Variants in HS2ST1 observed in about 807,000 individuals in gnomAD.
HS2ST1 encodes 2-O-sulfotransferase.
A neutral mutation model predicts 42.9 loss-of-function variants in HS2ST1; 18 were observed. The ratio of observed to expected loss-of-function variants is 0.42; its 90% CI spans 0.29 to 0.62. The LOEUF (loss-of-function observed/expected upper bound fraction) is 0.62. Ranked by LOEUF, HS2ST1 falls within the 20% of genes least tolerant of loss-of-function variation. HS2ST1 has a pLI of 0.21. For missense variants in HS2ST1, 334 were observed against 433.8 expected, an observed-to-expected ratio of 0.77 and a Z score of 2.04; for synonymous variants, 146 against 152.9, an observed-to-expected ratio of 0.95 and a Z score of 0.33.
intron 1 of HS2ST1, among the ~76,000 whole-genome samples, chr1:86,921,589 G>A (rs955600885): frequency 1.3e-5 from 2 of 152,146 alleles, no homozygotes; most frequent in East Asian, 3.9e-4. Flanking sequence ...AGAGCTTGTG[G>A]CAGTGTGTTC....
intron 2 of HS2ST1, among the ~76,000 whole-genome samples, chr1:87,075,415 C>A (rs553820217): frequency 5.3e-4 from 80 of 152,206 alleles, no homozygotes; most frequent in African/African-American, 1.9e-3. Context: ...GATCCGCCCA[C>A]CTAGGCCTCC....
At chr1:86,982,760 C>G (rs1356153938) in intron 1 of HS2ST1, among the ~76,000 whole-genome samples, 5 of 152,272 alleles carry the variant, frequency 3.3e-5, no homozygotes, top group African/African-American at 1.2e-4. Flanking sequence ...GTGATCCTCC[C>G]ACCTCGGCCT....
At chr1:87,040,008 T>C (rs957799168) in intron 1 of HS2ST1, among the ~76,000 whole-genome samples, 1 of 152,176 alleles carries the variant, frequency 6.6e-6, no homozygotes, top group African/African-American at 2.4e-5. Context: ...GTTGTTCTTC[T>C]TACTATATTA....
chr1:86,945,573 TC>T (rs10708896), intron 1 of HS2ST1, among the ~76,000 whole-genome samples: 147,866 of 152,308 alleles, frequency 0.97, 71,805 homozygotes, highest in East Asian at 1. Context: ...CTTTAATTAA[TC>T]TGCTTTGCAG....
chr1:86,985,453 C>CACACATAT (rs1648744752), intron 1 of HS2ST1, among the ~76,000 whole-genome samples: 1 of 61,572 alleles, frequency 1.6e-5, no homozygotes, highest in African/African-American at 4.4e-5. Context: ...CACATATATA[C>CACACATAT]ACACATATAT....
At chr1:86,996,827 A>G (rs1447113912) in intron 1 of HS2ST1, among the ~76,000 whole-genome samples, 1 of 152,254 alleles carries the variant, frequency 6.6e-6, no homozygotes, top group African/African-American at 2.4e-5. Flanking sequence ...AAAAAGCAGC[A>G]TAGCAGATTT....
At chr1:86,980,319 T>C (rs894228347) in intron 1 of HS2ST1, among the ~76,000 whole-genome samples, 3 of 152,214 alleles carry the variant, frequency 2.0e-5, no homozygotes, top group African/African-American at 7.2e-5. Flanking sequence ...AGACAATGTA[T>C]ACAATATTCA....
At chr1:86,990,837 T>TATATATATATATATATATATATA (rs56384402) in intron 1 of HS2ST1, among the ~76,000 whole-genome samples, 3 of 17,568 alleles carry the variant, frequency 1.7e-4, no homozygotes, top group African/African-American at 3.2e-4. Context: ...TATATATATA[T>TATATATATATATATATATATATA]TTTTTTTTTT....
At chr1:86,946,864 CTT>C in intron 1 of HS2ST1, among the ~76,000 whole-genome samples, 1 of 152,268 alleles carries the variant, frequency 6.6e-6, no homozygotes, top group Middle Eastern at 3.4e-3. Flanking sequence ...TAGTAAAAAA[CTT>C]AGACTTGTGA....
chr1:86,978,537 GC>G (rs1648489415), intron 1 of HS2ST1, among the ~76,000 whole-genome samples: 1 of 152,040 alleles, frequency 6.6e-6, no homozygotes, highest in Non-Finnish European at 1.5e-5. Context: ...TCCATATATG[GC>G]CACAAATTAG....
At chr1:87,034,711 AT>A (rs1650327732) in intron 1 of HS2ST1, among the ~76,000 whole-genome samples, 1 of 152,208 alleles carries the variant, frequency 6.6e-6, no homozygotes, top group South Asian at 2.1e-4. Context: ...ACAATAAAAA[AT>A]AGTTTTGAAT....
At chr1:86,984,797 C>G (rs1245437412) in intron 1 of HS2ST1, among the ~76,000 whole-genome samples, 1 of 151,486 alleles carries the variant, frequency 6.6e-6, no homozygotes, top group African/African-American at 2.4e-5. Context: ...CACCTGTAAT[C>G]CCAGGTACTA....
At chr1:87,085,139 A>G (rs1328714219) in intron 3 of HS2ST1, among the ~76,000 whole-genome samples, 1 of 152,226 alleles carries the variant, frequency 6.6e-6, no homozygotes, top group Non-Finnish European at 1.5e-5. Context: ...GTACCATTGT[A>G]GTAAACCTCA....
Position 87,109,856 on chromosome 1 carries a change from G to A in HS2ST1, c.*5160G>A, listed in dbSNP as rs1652428391. 6.6e-6 allele frequency: 1 copy of A among 152,194 alleles called. No homozygotes were observed. The highest frequency in any genetic ancestry group is 1.9e-4 in the East Asian group (1 of 5,188). 9.4% of individuals were successfully genotyped at this position (152,194 alleles called of 1,614,324 possible). On this transcript the variant is annotated 3_prime_UTR_variant, in exon 7 of 7. Coordinates refer to ENST00000370550, the MANE Select transcript of HS2ST1 (RefSeq NM_012262.4). ...TTGGGCATGATGTATGCAAAGTACTGGCCAGGGTAGACTAATAACTGATGG... is the reference window on the plus strand; with the variant it reads ...TTGGGCATGATGTATGCAAAGTACTAGCCAGGGTAGACTAATAACTGATGG...
At chr1:87,042,334 C>G (rs1650544391) in intron 1 of HS2ST1, among the ~76,000 whole-genome samples, 1 of 152,010 alleles carries the variant, frequency 6.6e-6, no homozygotes, top group African/African-American at 2.4e-5. Flanking sequence ...AGTCATGCTC[C>G]TTGTCTGTTT....
intron 1 of HS2ST1, among the ~76,000 whole-genome samples, chr1:86,967,527 C>T (rs1193553838): frequency 6.6e-6 from 1 of 152,156 alleles, no homozygotes; most frequent in Admixed American, 6.5e-5. Flanking sequence ...GTAGCTCCTA[C>T]TTATAAGTGA....
At chr1:86,977,846 A>G (rs11161914) in intron 1 of HS2ST1, among the ~76,000 whole-genome samples, 1 of 152,050 alleles carries the variant, frequency 6.6e-6, no homozygotes, top group African/African-American at 2.4e-5. Flanking sequence ...GAACATGAGA[A>G]GTTAAAAAGC....
chr1:87,045,152 G>T, intron 1 of HS2ST1: 1 of 858,544 alleles, frequency 1.2e-6, no homozygotes, highest in East Asian at 2.5e-5. Flanking sequence ...TACTGCCATT[G>T]GTTATGCTTT....
Position 86,914,896 on chromosome 1 carries a change from G to A in HS2ST1, c.-141G>A. 1.0e-6 allele frequency: 1 copy of A among 970,654 alleles called. No individual in the cohort carries two copies. Among genetic ancestry groups the A allele is most frequent in the Non-Finnish European group, 1.5e-6 (1 of 651,008 alleles). The allele number at this position is 970,654 out of a possible 1,614,324, so 60.1% of individuals were successfully genotyped here. On this transcript the variant is annotated 5_prime_UTR_variant, in exon 1 of 7. Transcript: ENST00000370550. Reference sequence around the variant, plus strand: ...AGGGGGACTGGAGAGGCGAGAAGGGGGGTCGCTGCGGTGGTTCTCTCGCTG... The same window carrying A: ...AGGGGGACTGGAGAGGCGAGAAGGGAGGTCGCTGCGGTGGTTCTCTCGCTG...
Sources: gnomAD v4.1 joint callset for allele counts (sites outside exome capture counted in the v4.1 genomes callset) on GRCh38, gnomAD v4.1.1 for gene constraint, MANE v1.5 for transcripts, NCBI Gene and HGNC (gene_info 2026-07-23, HGNC 2026-07-21) for gene names.